DPY19L2: variants seen among roughly 807,000 people sequenced by gnomAD.
The protein encoded by DPY19L2 is dpy-19 like 2.
In DPY19L2, 34 loss-of-function variants were observed where a neutral mutation model predicts 97.9. That is an observed-to-expected ratio of 0.35 (90% CI 0.26 to 0.46). The LOEUF (loss-of-function observed/expected upper bound fraction) is 0.46, where lower values mean the gene tolerates loss of function less well. DPY19L2 is among the 20% of genes least tolerant of loss of function. DPY19L2 has a pLI of 1.00. For missense variants in DPY19L2, 623 were observed against 911.4 expected, an observed-to-expected ratio of 0.68 and a Z score of 4.07; for synonymous variants, 230 against 307.9, an observed-to-expected ratio of 0.75 and a Z score of 2.65.
chr12:63,628,286 G>A (rs559547621), intron 6 of DPY19L2, among the ~76,000 whole-genome samples: 4 of 152,316 alleles, frequency 2.6e-5, no homozygotes, highest in African/African-American at 7.2e-5. Context: ...CACCCAGGAA[G>A]CGCAAGGGGT....
chr12:63,643,337 T>C (rs1892966655), intron 6 of DPY19L2, among the ~76,000 whole-genome samples: 1 of 152,124 alleles, frequency 6.6e-6, no homozygotes. Flanking sequence ...TATGCTAGTC[T>C]TTTTTATGCT....
chr12:63,666,424 A>T (rs910709559), intron 1 of DPY19L2: 1 of 350,744 alleles, frequency 2.9e-6, no homozygotes, highest in African/African-American at 2.2e-5. Context: ...ACTAGTCTGG[A>T]GTCACCTGTG....
intron 19 of DPY19L2, among the ~76,000 whole-genome samples, chr12:63,573,780 G>A (rs1879324571): frequency 6.6e-6 from 1 of 152,132 alleles, no homozygotes; most frequent in Admixed American, 6.5e-5. Flanking sequence ...AGCATGCCAT[G>A]ACATATTTAA....
chr12:63,621,602 A>G (rs1888700700), intron 8 of DPY19L2, among the ~76,000 whole-genome samples: 1 of 152,162 alleles, frequency 6.6e-6, no homozygotes, highest in East Asian at 1.9e-4. Context: ...TTTCCTCTAC[A>G]TATGCATGAC....
At chr12:63,636,185 T>C (rs1411655343) in intron 6 of DPY19L2, among the ~76,000 whole-genome samples, 1 of 152,072 alleles carries the variant, frequency 6.6e-6, no homozygotes, top group African/African-American at 2.4e-5. Flanking sequence ...CTAAGCTTCA[T>C]AAGTGAAGGA....
chr12:63,570,332 A>G lies in DPY19L2; in HGVS notation c.2000+426T>C, dbSNP rs1026606199. ...CTTTTTCTACCTGTCACAAAAAGCT[A>G]GTCATTGGCCACCAGTAAGATCTAG... On this transcript the variant is annotated intron_variant, in intron 20 of 21. Transcript: ENST00000324472. Among the ~76,000 whole-genome samples, 12 of 152,268 alleles carry G rather than the reference A, an allele frequency of 7.9e-5. 1 individual carries two copies. The South Asian group carries it at 2.3e-3, about 29-fold the overall frequency.
intron 4 of DPY19L2, among the ~76,000 whole-genome samples, chr12:63,656,376 A>AT (rs1894971997): frequency 6.6e-6 from 1 of 152,200 alleles, no homozygotes; most frequent in Non-Finnish European, 1.5e-5. Flanking sequence ...ATTCTGTTAG[A>AT]TAAGAGGTCA....
intron 12 of DPY19L2, among the ~76,000 whole-genome samples, chr12:63,601,943 T>A (rs1885260021): frequency 6.6e-6 from 1 of 152,116 alleles, no homozygotes; most frequent in African/African-American, 2.4e-5. Context: ...AGGTTTGCAC[T>A]TGGACTAGAA....
intron 20 of DPY19L2, among the ~76,000 whole-genome samples, chr12:63,570,195 A>G (rs3864440): frequency 0.52 from 78,860 of 151,350 alleles, 20,613 homozygotes; most frequent in East Asian, 0.71. Context: ...CAGCCATTTA[A>G]GGAAAGCAAA....
intron 6 of DPY19L2, among the ~76,000 whole-genome samples, chr12:63,641,454 C>A: frequency 6.6e-6 from 1 of 152,046 alleles, no homozygotes. Flanking sequence ...TAAGAATCAG[C>A]TACTGACCTG....
chr12:63,624,300 T>C (rs1259128768), intron 7 of DPY19L2, among the ~76,000 whole-genome samples, 169 bp from the exon 8 acceptor site: 1 of 152,008 alleles, frequency 6.6e-6, no homozygotes, highest in African/African-American at 2.4e-5. Flanking sequence ...CATGAGGCCA[T>C]TATGTAGACA....
Position 63,594,269 on chromosome 12 carries a change from C to T in DPY19L2, c.1534-136G>A, listed in dbSNP as rs77449644. The T allele has an allele frequency of 7.4e-4, 456 of 612,874 alleles. 1 individual carries two copies. Among genetic ancestry groups the T allele is most frequent in the African/African-American group, 3.9e-3 (201 of 50,978 alleles). 38.0% of individuals were successfully genotyped at this position (612,874 alleles called of 1,614,324 possible). On this transcript the variant is annotated intron_variant, in intron 15 of 21. Transcript: ENST00000324472. The stretch of plus-strand genomic sequence containing the variant: ...TTTAAGGGAGTCCTCAGGAACAGGA[C>T]GGTCATACTATAGATGCCTTCCTTT...
At chr12:63,576,158 C>T (rs780933658) in intron 19 of DPY19L2, among the ~76,000 whole-genome samples, 12 of 151,848 alleles carry the variant, frequency 7.9e-5, no homozygotes, top group Non-Finnish European at 1.3e-4. Flanking sequence ...CAATGTGATA[C>T]GTCATATCAA....
intron 19 of DPY19L2, among the ~76,000 whole-genome samples, chr12:63,578,590 C>T (rs1227001890): frequency 6.6e-6 from 1 of 152,068 alleles, no homozygotes; most frequent in African/African-American, 2.4e-5. Flanking sequence ...TACACCTGCT[C>T]TGTACCCACA....
chr12:63,633,027 A>G lies in DPY19L2; in HGVS notation c.804-6501T>C, dbSNP rs373969859. Among the ~76,000 whole-genome samples, 972 of 152,250 alleles carry G rather than the reference A, an allele frequency of 6.4e-3. 7 individuals carry two copies. Among genetic ancestry groups the G allele is most frequent in the South Asian group, 0.031 (150 of 4,816 alleles). On this transcript the variant is annotated intron_variant, in intron 6 of 21. Coordinates refer to ENST00000324472, the MANE Select transcript of DPY19L2 (RefSeq NM_173812.5). ...GGCTAGCCATATGTAGAAAGCTGACACTGGATCCCTTCCTTACACCTTTTA... is the reference window on the plus strand; with the variant it reads ...GGCTAGCCATATGTAGAAAGCTGACGCTGGATCCCTTCCTTACACCTTTTA...
intron 12 of DPY19L2, among the ~76,000 whole-genome samples, chr12:63,607,337 G>C (rs1886213478): frequency 6.6e-6 from 1 of 152,066 alleles, no homozygotes; most frequent in Non-Finnish European, 1.5e-5. Context: ...TGAAGTGAAA[G>C]AATTATATAT....
intron 12 of DPY19L2, among the ~76,000 whole-genome samples, chr12:63,602,362 GA>G (rs1257654957): frequency 2.0e-5 from 3 of 152,046 alleles, no homozygotes; most frequent in Non-Finnish European, 2.9e-5. Flanking sequence ...GATGAAGAAT[GA>G]AAATGATACC....
At chr12:63,561,862 T>C (rs1876584077) in intron 21 of DPY19L2, among the ~76,000 whole-genome samples, 1 of 152,162 alleles carries the variant, frequency 6.6e-6, no homozygotes, top group East Asian at 1.9e-4. Context: ...TATAAGCAAG[T>C]TCAAAACTCT....
intron 5 of DPY19L2, among the ~76,000 whole-genome samples, chr12:63,645,828 G>T (rs568783421): frequency 6.6e-6 from 1 of 151,984 alleles, no homozygotes. Context: ...ACCTACTTTT[G>T]TTCCTTTACT....
Sources: gnomAD v4.1 joint callset for allele counts (sites outside exome capture counted in the v4.1 genomes callset) on GRCh38, gnomAD v4.1.1 for gene constraint, MANE v1.5 for transcripts, NCBI Gene and HGNC (gene_info 2026-07-23, HGNC 2026-07-21) for gene names.